The following SH3PXD2A variants were observed in gnomAD, a reference collection of about 807,000 sequenced individuals.
SH3PXD2A encodes the protein SH3 and PX domains 2A, also known as SH3 and PX domain-containing protein 2A.
Under a neutral mutation model 115.2 loss-of-function variants are expected in SH3PXD2A, and 32 were observed. That is an observed-to-expected ratio of 0.28 (90% CI 0.21 to 0.37). The LOEUF (loss-of-function observed/expected upper bound fraction) is 0.37. Among genes scored for constraint, SH3PXD2A ranks in the 10% least tolerant of loss-of-function variants. SH3PXD2A has a pLI of 1.00. For missense variants in SH3PXD2A, 1,328 were observed against 1,498.7 expected, an observed-to-expected ratio of 0.89 and a Z score of 1.88; for synonymous variants, 610 against 629.1, an observed-to-expected ratio of 0.97 and a Z score of 0.45.
chr10:103,681,649 C>T (rs1326363924), intron 6 of SH3PXD2A, among the ~76,000 whole-genome samples: 2 of 152,216 alleles, frequency 1.3e-5, no homozygotes, highest in Non-Finnish European at 2.9e-5. Context: ...GAGGCTGAGG[C>T]GGGAGAATCA....
At chr10:103,674,777 G>A (rs1592294858) in intron 6 of SH3PXD2A, among the ~76,000 whole-genome samples, 1 of 152,130 alleles carries the variant, frequency 6.6e-6, no homozygotes, top group Non-Finnish European at 1.5e-5. Flanking sequence ...CTGAGATCAC[G>A]CCACCGCACT....
At chr10:103,730,998 A>G (rs2038312096) in intron 4 of SH3PXD2A, among the ~76,000 whole-genome samples, 1 of 152,168 alleles carries the variant, frequency 6.6e-6, no homozygotes, top group Admixed American at 6.5e-5. Context: ...AGGCCTGGCT[A>G]GCTGGGGATG....
chr10:103,688,714 G>A (rs2037710835), intron 6 of SH3PXD2A, among the ~76,000 whole-genome samples: 1 of 152,176 alleles, frequency 6.6e-6, no homozygotes, highest in Non-Finnish European at 1.5e-5. Context: ...GTAAAGCCCA[G>A]GTCAGGAAGG....
At chr10:103,705,494 C>T (rs989396190) in intron 5 of SH3PXD2A, among the ~76,000 whole-genome samples, 1 of 152,222 alleles carries the variant, frequency 6.6e-6, no homozygotes, top group Non-Finnish European at 1.5e-5. Flanking sequence ...CACATCAGCT[C>T]ATTTTATCCT....
chr10:103,715,819 G>A (rs1400251672), intron 5 of SH3PXD2A, among the ~76,000 whole-genome samples: 1 of 152,234 alleles, frequency 6.6e-6, no homozygotes, highest in Non-Finnish European at 1.5e-5. Flanking sequence ...CACATTCTCA[G>A]TGCTATTCCA....
At chr10:103,706,803 T>C (rs946914393) in intron 5 of SH3PXD2A, among the ~76,000 whole-genome samples, 8 of 149,786 alleles carry the variant, frequency 5.3e-5, no homozygotes, top group Non-Finnish European at 8.8e-5. Context: ...TCCCCTCCTT[T>C]CCCCCCCGAG....
rs549714859 is a variant in SH3PXD2A, at chr10:103,680,064, C to T, written c.428-11412G>A. ...GCGCCATCTCTGCTCACTGCAACCT[C>T]TGCCTCCCCGGTTCAAGTGATTCTC... On this transcript the variant is annotated intron_variant, in intron 6 of 14. Transcript: ENST00000369774. Among the ~76,000 whole-genome samples the T allele has an allele frequency of 2.0e-3, 297 of 151,896 alleles. 3 individuals carry two copies. The highest frequency in any genetic ancestry group is 0.015 in the South Asian group (70 of 4,800).
chr10:103,738,524 C>T (rs1050789475), intron 3 of SH3PXD2A, among the ~76,000 whole-genome samples: 1 of 151,848 alleles, frequency 6.6e-6, no homozygotes, highest in Admixed American at 6.6e-5. Flanking sequence ...GCGGTCCAGC[C>T]GTATGAGCAG....
At chr10:103,796,519 G>A (rs79908216) in intron 2 of SH3PXD2A, among the ~76,000 whole-genome samples, 6,306 of 152,002 alleles carry the variant, frequency 0.041, 159 homozygotes, top group South Asian at 0.095. Context: ...TTCATCTACA[G>A]TGGACTTAAC....
intron 1 of SH3PXD2A, among the ~76,000 whole-genome samples, chr10:103,848,941 A>T (rs1842871990): frequency 2.4e-5 from 3 of 125,526 alleles, no homozygotes; most frequent in South Asian, 5.2e-4. Flanking sequence ...AACTTTCCCC[A>T]TATATTCTTT....
intron 3 of SH3PXD2A, among the ~76,000 whole-genome samples, chr10:103,765,223 G>C (rs1404266667): frequency 6.6e-6 from 1 of 152,114 alleles, no homozygotes; most frequent in African/African-American, 2.4e-5. Context: ...CTGAGGTAGC[G>C]GCAGTACACA....
chr10:103,702,297 T>C (rs2037923918), intron 5 of SH3PXD2A, among the ~76,000 whole-genome samples: 1 of 152,354 alleles, frequency 6.6e-6, no homozygotes, highest in African/African-American at 2.4e-5. Context: ...TTTCATTTTT[T>C]TGTCCATCTA....
chr10:103,774,294 C>T (rs980589362), intron 2 of SH3PXD2A, among the ~76,000 whole-genome samples: 2 of 152,126 alleles, frequency 1.3e-5, no homozygotes, highest in African/African-American at 4.8e-5. Context: ...TTCTAATGAT[C>T]TATATTCAAG....
chr10:103,853,949 A>T (rs1399387737), intron 1 of SH3PXD2A, among the ~76,000 whole-genome samples: 1 of 152,134 alleles, frequency 6.6e-6, no homozygotes, highest in Non-Finnish European at 1.5e-5. Flanking sequence ...CACAAAAGAA[A>T]CAACTCTCTA....
chr10:103,834,652 G>T (rs2039512852), intron 1 of SH3PXD2A, among the ~76,000 whole-genome samples: 1 of 152,236 alleles, frequency 6.6e-6, no homozygotes, highest in African/African-American at 2.4e-5. Context: ...GGAGCACAGT[G>T]GGGATGCCAA....
At chr10:103,658,397 G>A (rs756736329) in intron 8 of SH3PXD2A, among the ~76,000 whole-genome samples, 1 of 152,200 alleles carries the variant, frequency 6.6e-6, no homozygotes, top group African/African-American at 2.4e-5. Flanking sequence ...AAGGTCAAAG[G>A]CTTCACAATT....
At chr10:103,668,737 G>A (rs1564859018) in intron 6 of SH3PXD2A, 85 bp from the exon 7 acceptor site, 2 of 1,261,182 alleles carry the variant, frequency 1.6e-6, no homozygotes, top group Admixed American at 2.0e-5. Flanking sequence ...TCCACAGTGA[G>A]TGGCTGCAGG....
chr10:103,638,345 C>T (rs562862235), intron 8 of SH3PXD2A, among the ~76,000 whole-genome samples: 1 of 152,342 alleles, frequency 6.6e-6, no homozygotes, highest in South Asian at 2.1e-4. Flanking sequence ...GCCACCTTCC[C>T]ACTCAGCTCC....
chr10:103,722,373 C>G (rs967038935), intron 5 of SH3PXD2A, among the ~76,000 whole-genome samples: 2 of 151,884 alleles, frequency 1.3e-5, no homozygotes, highest in Non-Finnish European at 2.9e-5. Context: ...CATGGATAAC[C>G]CTTGGAGGTA....
Sources: allele counts gnomAD v4.1 joint callset (sites outside exome capture counted in the v4.1 genomes callset), GRCh38; gene constraint gnomAD v4.1.1; transcripts MANE v1.5; gene names NCBI Gene and HGNC (gene_info 2026-07-23, HGNC 2026-07-21).